Variants in TSHZ2 observed in about 807,000 individuals in gnomAD.
TSHZ2 encodes teashirt homolog 2.
A neutral mutation model predicts 74.4 loss-of-function variants in TSHZ2; 21 were observed. That is an observed-to-expected ratio of 0.28 (90% confidence interval 0.20 to 0.41). TSHZ2 has a LOEUF of 0.41. Among genes scored for constraint, TSHZ2 ranks in the 10% least tolerant of loss-of-function variants. The pLI is 1.00. For synonymous variants in TSHZ2, 540 were observed against 515.3 expected (o/e 1.05, Z -0.65); for missense variants, 1,244 against 1,293.5 (o/e 0.96, Z 0.59).
intron 1 of TSHZ2, among the ~76,000 whole-genome samples, chr20:53,051,834 CAAAAG>C (rs1984478513): frequency 6.6e-6 from 1 of 152,086 alleles, no homozygotes; most frequent in African/African-American, 2.4e-5. Context: ...TGATTTTAAT[CAAAAG>C]AAAGGTGCGA....
Position 52,972,961 on chromosome 20 carries a change from C to A in TSHZ2, c.-333C>A, listed in dbSNP as rs1468369480. ...CAACAGTCACCAAAAAAAAAAAAAACCGCAAAAACAAAACCAAAAAAATTC... is the reference window on the plus strand; with the variant it reads ...CAACAGTCACCAAAAAAAAAAAAAAACGCAAAAACAAAACCAAAAAAATTC... On this transcript the variant is annotated 5_prime_UTR_variant, in exon 1 of 3. Transcript: ENST00000371497. 1.5e-4 allele frequency: 45 copies of A among 308,578 alleles called. No individual in the cohort carries two copies. Among genetic ancestry groups the A allele is most frequent in the African/African-American group, 4.4e-4 (19 of 43,658 alleles). 19.1% of individuals were successfully genotyped at this position (308,578 alleles called of 1,614,324 possible).
intron 2 of TSHZ2, among the ~76,000 whole-genome samples, chr20:53,284,079 G>A (rs1212072662): frequency 1.3e-5 from 2 of 152,184 alleles, no homozygotes; most frequent in African/African-American, 4.8e-5. Flanking sequence ...TGCCCGGCAG[G>A]GGCTTTCTTC....
At chr20:53,297,323 C>T (rs1991397740) in intron 2 of TSHZ2, among the ~76,000 whole-genome samples, 1 of 147,240 alleles carries the variant, frequency 6.8e-6, no homozygotes, top group Non-Finnish European at 1.5e-5. Context: ...CAATCAGGCT[C>T]ACTGCAGCCT....
At chr20:53,108,865 C>T (rs1986452325) in intron 1 of TSHZ2, among the ~76,000 whole-genome samples, 1 of 152,200 alleles carries the variant, frequency 6.6e-6, no homozygotes, top group Non-Finnish European at 1.5e-5. Context: ...TTCAGTGTCC[C>T]TGGTTCGCCA....
intron 2 of TSHZ2, among the ~76,000 whole-genome samples, chr20:53,257,668 G>A (rs540899227): frequency 1.3e-5 from 2 of 152,056 alleles, no homozygotes; most frequent in Non-Finnish European, 1.5e-5. Flanking sequence ...ATACACTAAG[G>A]GCCCTCCTAT....
At chr20:53,470,776 G>A (rs775442063) in intron 2 of TSHZ2, among the ~76,000 whole-genome samples, 3 of 152,030 alleles carry the variant, frequency 2.0e-5, no homozygotes, top group Non-Finnish European at 4.4e-5. Context: ...TTGCGCCACT[G>A]CACTCCAGCC....
At chr20:53,291,238 G>A (rs775575005) in intron 2 of TSHZ2, among the ~76,000 whole-genome samples, 3 of 152,220 alleles carry the variant, frequency 2.0e-5, no homozygotes, top group East Asian at 1.9e-4. Flanking sequence ...TTGGGAGGCC[G>A]AGATGGGTGG....
intron 1 of TSHZ2, among the ~76,000 whole-genome samples, chr20:53,117,664 G>C (rs1986707179): frequency 6.6e-6 from 1 of 152,204 alleles, no homozygotes; most frequent in South Asian, 2.1e-4. Context: ...AGGAGAGCCA[G>C]CTTCAAGTTC....
chr20:53,018,879 G>T (rs977520505), intron 1 of TSHZ2, among the ~76,000 whole-genome samples: 1 of 152,098 alleles, frequency 6.6e-6, no homozygotes, highest in Non-Finnish European at 1.5e-5. Context: ...TTCGTTTTCT[G>T]GATCTTCGTC....
intron 1 of TSHZ2, among the ~76,000 whole-genome samples, chr20:53,003,255 G>GGTGT (rs11468763): frequency 0.17 from 23,881 of 139,348 alleles, 2,148 homozygotes; most frequent in South Asian, 0.25. Context: ...CTCCAGGGAT[G>GGTGT]GTGTGTGTGT....
At chr20:53,242,631 C>A (rs1210194818) in intron 1 of TSHZ2, among the ~76,000 whole-genome samples, 2 of 141,410 alleles carry the variant, frequency 1.4e-5, no homozygotes, top group Non-Finnish European at 3.1e-5. Flanking sequence ...AGGGAGTAAC[C>A]CACCCTGTGA....
At chr20:53,201,550 T>C (rs1030972834) in intron 1 of TSHZ2, among the ~76,000 whole-genome samples, 1 of 152,170 alleles carries the variant, frequency 6.6e-6, no homozygotes, top group Admixed American at 6.5e-5. Flanking sequence ...AATCTCTTTA[T>C]CTCAAGATCC....
chr20:53,471,803 C>CTTTT (rs58027394), intron 2 of TSHZ2, among the ~76,000 whole-genome samples: 101 of 86,782 alleles, frequency 1.2e-3, no homozygotes, highest in Non-Finnish European at 1.5e-3. Flanking sequence ...CTTTTCTTTT[C>CTTTT]TTTTTTTTTT....
intron 1 of TSHZ2, among the ~76,000 whole-genome samples, chr20:53,001,188 G>T (rs1982393859): frequency 6.6e-6 from 1 of 150,806 alleles, no homozygotes; most frequent in African/African-American, 2.4e-5. Flanking sequence ...TGACAATGTT[G>T]TGTGTGCGTT....
chr20:53,289,552 C>G (rs757046606), intron 2 of TSHZ2, among the ~76,000 whole-genome samples: 9 of 152,046 alleles, frequency 5.9e-5, no homozygotes, highest in Non-Finnish European at 1.0e-4. Flanking sequence ...ATGTTGCATT[C>G]CCTTAATAAT....
chr20:53,234,886 T>C (rs1989904949), intron 1 of TSHZ2, among the ~76,000 whole-genome samples: 1 of 152,100 alleles, frequency 6.6e-6, no homozygotes, highest in African/African-American at 2.4e-5. Flanking sequence ...TGGGAGGTTT[T>C]GAGCAGGGAA....
At chr20:53,280,101 TG>T (rs1450277229) in intron 2 of TSHZ2, among the ~76,000 whole-genome samples, 1 of 152,182 alleles carries the variant, frequency 6.6e-6, no homozygotes, top group East Asian at 1.9e-4. Context: ...TGGGCATTTT[TG>T]AAGATGACTC....
intron 2 of TSHZ2, among the ~76,000 whole-genome samples, chr20:53,261,396 T>C (rs1161091778): frequency 6.6e-6 from 1 of 152,176 alleles, no homozygotes; most frequent in Admixed American, 6.5e-5. Context: ...AACCAAGAAA[T>C]GACCCAAATT....
intron 1 of TSHZ2, among the ~76,000 whole-genome samples, chr20:53,081,195 CTTA>C (rs922469339): frequency 6.6e-6 from 1 of 151,860 alleles, no homozygotes; most frequent in Non-Finnish European, 1.5e-5. Context: ...TTTTTATTAT[CTTA>C]TTATTTTTTA....
Sources: gnomAD v4.1 joint callset for allele counts (sites outside exome capture counted in the v4.1 genomes callset) on GRCh38, gnomAD v4.1.1 for gene constraint, MANE v1.5 for transcripts, NCBI Gene and HGNC (gene_info 2026-07-23, HGNC 2026-07-21) for gene names.